The following ABCA13 variants were observed in gnomAD, a reference collection of about 807,000 sequenced individuals.
The protein encoded by ABCA13 is ATP-binding cassette sub-family A member 13.
ABCA13 carries 476 observed loss-of-function variants against 478.7 expected under a neutral mutation model. The observed-to-expected ratio is 0.99, with a 90% confidence interval of 0.92 to 1.07. ABCA13 has a LOEUF of 1.07. Among genes scored for constraint, ABCA13 ranks in the 50% least tolerant of loss-of-function variants. The pLI, the probability that ABCA13 is intolerant of heterozygous loss-of-function variation, is 0.00. For missense variants in ABCA13, 6,060 were observed against 5,910.6 expected, an observed-to-expected ratio of 1.03 and a Z score of -0.83; for synonymous variants, 2,252 against 2,158.9, an observed-to-expected ratio of 1.04 and a Z score of -1.20.
chr7:48,428,404 A>G (rs1191505509), intron 42 of ABCA13, among the ~76,000 whole-genome samples: 1 of 152,106 alleles, frequency 6.6e-6, no homozygotes. Context: ...TAGGTGTGTG[A>G]CTGAAGCTCC....
At position 48,552,935 on chromosome 7, in the gene ABCA13, C is replaced by A. The variant is rs1018288346; in HGVS notation, c.14354+24590C>A. Among the ~76,000 whole-genome samples, 6 of 151,468 alleles carry A rather than the reference C, an allele frequency of 4.0e-5. No individual in the cohort carries two copies. In the East Asian group the frequency reaches 9.7e-4, roughly 24 times the overall value. ...CATTCTTTACAACTACTTCTTGTAC[C>A]CATTAATCATCCCCACTTCCCTCCC... On this transcript the variant is annotated intron_variant, in intron 55 of 61. Coordinates refer to ENST00000435803, the MANE Select transcript of ABCA13 (RefSeq NM_152701.5).
intron 7 of ABCA13, among the ~76,000 whole-genome samples, chr7:48,233,421 T>A (rs1185123201): frequency 1.3e-5 from 2 of 152,162 alleles, no homozygotes; most frequent in East Asian, 3.9e-4. Context: ...GGTCTTCGAT[T>A]TATATTTTGA....
rs560409324 is a variant in ABCA13, at chr7:48,610,186, A to G, written c.14745-5099A>G. Among the ~76,000 whole-genome samples, 153 of 152,362 alleles carry G rather than the reference A, an allele frequency of 1.0e-3. 2 individuals carry two copies. In the South Asian group the frequency reaches 0.031, roughly 31 times the overall value. On this transcript the variant is annotated intron_variant, in intron 58 of 61. Coordinates refer to ENST00000435803, the MANE Select transcript of ABCA13 (RefSeq NM_152701.5). ...TCCAAGATACAATGAGAGTACAGAC[A>G]TTGGGCAAATACACCTGAACAAAAA...
Position 48,272,463 on chromosome 7 carries a change from C to G in ABCA13, c.2797C>G (p.Leu933Val). ...GAATGCATCTGATCTTTTCTCAGCC[C>G]TTTCTGAACCACAAAAACAAGAAGT... ...IRNASDLFSA[L>V]SEPQKQEVDK... Residue 933 changes from leucine (L) to valine (V), a missense_variant, in exon 17 of 62, where the codon CTT becomes GTT. Transcript: ENST00000435803. 1 of 1,613,750 alleles carries G rather than the reference C, an allele frequency of 6.2e-7. No individual in the cohort carries two copies. The highest frequency in any genetic ancestry group is 1.1e-5 in the South Asian group (1 of 91,060).
At position 48,274,292 on chromosome 7, in the gene ABCA13, T is replaced by C. The variant is rs756912408; in HGVS notation, c.4626T>C (p.Asn1542=). The C allele has an allele frequency of 4.3e-6, 7 of 1,613,338 alleles. No homozygotes were observed. In the South Asian group the frequency reaches 7.7e-5, roughly 18 times the overall value. ...ATGAAATTCCTAATCAGTTTCAAAA[T>C]ATTTGGCTTCATTTAATAACACTGG... ...MSDEIPNQFQ[N]IWLHLITLGK... The change falls in exon 17 of 62, where the codon AAT becomes AAC. Residue 1542 remains asparagine (N), a synonymous_variant. Coordinates refer to ENST00000435803, the MANE Select transcript of ABCA13 (RefSeq NM_152701.5).
chr7:48,463,256 A>G (rs2130035633), intron 43 of ABCA13, among the ~76,000 whole-genome samples: 1 of 152,316 alleles, frequency 6.6e-6, no homozygotes, highest in South Asian at 2.1e-4. Flanking sequence ...GTTTTGACAG[A>G]TCAGATAAGT....
At chr7:48,477,200 C>T (rs1828198437) in intron 45 of ABCA13, among the ~76,000 whole-genome samples, 1 of 152,070 alleles carries the variant, frequency 6.6e-6, no homozygotes, top group African/African-American at 2.4e-5. Flanking sequence ...AGAATGAGAC[C>T]AAGGATATTT....
chr7:48,450,524 G>C (rs898259785), intron 42 of ABCA13, among the ~76,000 whole-genome samples: 5 of 152,008 alleles, frequency 3.3e-5, no homozygotes, highest in African/African-American at 1.2e-4. Flanking sequence ...TGAATTATTG[G>C]ATAAAATGCA....
At chr7:48,543,632 A>G (rs1484392509) in intron 55 of ABCA13, among the ~76,000 whole-genome samples, 2 of 151,130 alleles carry the variant, frequency 1.3e-5, no homozygotes, top group Non-Finnish European at 1.5e-5. Flanking sequence ...TCAAAAAAGT[A>G]AAAAATAAAA....
At chr7:48,425,899 G>A (rs902867969) in intron 41 of ABCA13, among the ~76,000 whole-genome samples, 3 of 151,784 alleles carry the variant, frequency 2.0e-5, no homozygotes, top group South Asian at 4.2e-4. Context: ...CCGCCACCTC[G>A]CCCGGCTAAT....
At chr7:48,198,177 A>C in intron 2 of ABCA13, 60 bp from the exon 3 acceptor site, 2 of 1,512,712 alleles carry the variant, frequency 1.3e-6, no homozygotes, top group Non-Finnish European at 8.9e-7. Flanking sequence ...TCAACTCAAC[A>C]GGAATTCCAT....
intron 1 of ABCA13, among the ~76,000 whole-genome samples, chr7:48,182,254 C>A (rs558416219): frequency 1.3e-5 from 2 of 152,174 alleles, no homozygotes; most frequent in Non-Finnish European, 2.9e-5. Flanking sequence ...GATACCCTAA[C>A]GATTGGTGCT....
intron 42 of ABCA13, among the ~76,000 whole-genome samples, chr7:48,437,069 T>A (rs1167919466): frequency 6.6e-6 from 1 of 151,978 alleles, no homozygotes; most frequent in Non-Finnish European, 1.5e-5. Flanking sequence ...TCTCTGTGTC[T>A]TTGTTGATAG....
intron 38 of ABCA13, among the ~76,000 whole-genome samples, chr7:48,395,275 C>T (rs1027751463): frequency 4.6e-5 from 7 of 152,088 alleles, no homozygotes; most frequent in East Asian, 3.9e-4. Context: ...GAGCCCAAGT[C>T]GCAGGGAGAG....
At chr7:48,218,250 G>C (rs1406157325) in intron 3 of ABCA13, among the ~76,000 whole-genome samples, 1 of 152,180 alleles carries the variant, frequency 6.6e-6, no homozygotes, top group East Asian at 1.9e-4. Flanking sequence ...TCATGTATGG[G>C]TGAGGCAGGA....
At chr7:48,631,951 GATTTGATTCTC>G (rs1464893942) in intron 59 of ABCA13, among the ~76,000 whole-genome samples, 1 of 152,080 alleles carries the variant, frequency 6.6e-6, no homozygotes, top group Non-Finnish European at 1.5e-5. Flanking sequence ...TTGAGTTCTT[GATTTGATTCTC>G]AGCTTGGTTG....
chr7:48,238,467 C>T (rs1038394724), intron 8 of ABCA13, among the ~76,000 whole-genome samples: 13 of 144,956 alleles, frequency 9.0e-5, no homozygotes, highest in Admixed American at 6.9e-5. Flanking sequence ...TGTTGAAGTT[C>T]TTTTTTTTTT....
At chr7:48,427,234 G>C (rs1821550707) in intron 41 of ABCA13, among the ~76,000 whole-genome samples, 2 of 152,110 alleles carry the variant, frequency 1.3e-5, no homozygotes, top group South Asian at 2.1e-4. Flanking sequence ...TTGGACTTCT[G>C]CCTCCACTAC....
At chr7:48,350,512 C>A in intron 29 of ABCA13, 131 bp from the exon 30 acceptor site, 1 of 1,174,508 alleles carries the variant, frequency 8.5e-7, no homozygotes, top group Non-Finnish European at 1.2e-6. Flanking sequence ...AAATTTGACT[C>A]TTTTGAGCAA....
Sources: gnomAD v4.1 joint callset for allele counts (sites outside exome capture counted in the v4.1 genomes callset) on GRCh38, gnomAD v4.1.1 for gene constraint, MANE v1.5 for transcripts, NCBI Gene and HGNC (gene_info 2026-07-23, HGNC 2026-07-21) for gene names.